The following CORO2B variants were observed in gnomAD, a reference collection of about 807,000 sequenced individuals.
CORO2B encodes coronin 2B, also known as coronin-2B.
In CORO2B, 26 loss-of-function variants were observed where a neutral mutation model predicts 58.8. The observed-to-expected ratio is 0.44, with a 90% CI of 0.32 to 0.61. The LOEUF (loss-of-function observed/expected upper bound fraction) is 0.61. Among genes scored for constraint, CORO2B ranks in the 20% least tolerant of loss-of-function variants. CORO2B has a pLI of 0.04. For synonymous variants in CORO2B, 242 were observed against 253.8 expected, an observed-to-expected ratio of 0.95 and a Z score of 0.44; for missense variants, 460 against 645.1, an observed-to-expected ratio of 0.71 and a Z score of 3.11.
chr15:68,701,478 ATTT>A (rs71145193), intron 3 of CORO2B, among the ~76,000 whole-genome samples: 1,404 of 38,748 alleles, frequency 0.036, 38 homozygotes, highest in African/African-American at 0.13. Context: ...CGCCCGGCTA[ATTT>A]TTTTTTTTTT....
At chr15:68,523,566 C>T in the CORO2B span, among the ~76,000 whole-genome samples, 1 of 152,188 alleles carries the variant, frequency 6.6e-6, no homozygotes, top group African/African-American at 2.4e-5. Context: ...AGTTTCTTAG[C>T]TTCTCACCCT....
At chr15:68,623,122 G>A (rs571580374) in intron 1 of CORO2B, among the ~76,000 whole-genome samples, 1 of 152,178 alleles carries the variant, frequency 6.6e-6, no homozygotes, top group Non-Finnish European at 1.5e-5. Context: ...CCGAGATCAC[G>A]CTACTGCACT....
intron 1 of CORO2B, among the ~76,000 whole-genome samples, chr15:68,620,898 G>A (rs761608882): frequency 1.3e-5 from 2 of 152,230 alleles, no homozygotes; most frequent in African/African-American, 2.4e-5. Context: ...AGGGTAGAAA[G>A]TCTGCTGGGG....
chr15:68,589,994 T>C (rs1899660118), intron 1 of CORO2B, among the ~76,000 whole-genome samples: 1 of 152,158 alleles, frequency 6.6e-6, no homozygotes. Flanking sequence ...TCCTGGAAGC[T>C]GGCCGTCCTG....
At chr15:68,592,012 T>A (rs1346584973) in intron 1 of CORO2B, among the ~76,000 whole-genome samples, 1 of 152,144 alleles carries the variant, frequency 6.6e-6, no homozygotes, top group Non-Finnish European at 1.5e-5. Flanking sequence ...AGAAGTGAGC[T>A]TCTGGATGCG....
At chr15:68,641,693 T>C (rs1341341854) in intron 1 of CORO2B, 9 of 541,792 alleles carry the variant, frequency 1.7e-5, no homozygotes, top group Non-Finnish European at 1.9e-5. Context: ...TCCCAAGCCC[T>C]TGGAGGTGAT....
chr15:68,528,922 C>CTT, the CORO2B span, among the ~76,000 whole-genome samples: 1 of 152,128 alleles, frequency 6.6e-6, no homozygotes, highest in Non-Finnish European at 1.5e-5. Flanking sequence ...GACAAAATGG[C>CTT]TTAATTAAAC....
At position 68,710,767 on chromosome 15, in the gene CORO2B, G is replaced by A; in HGVS notation, c.369G>A (p.Lys123=). The A allele has an allele frequency of 6.2e-7, 1 of 1,611,724 alleles. No individual in the cohort carries two copies. The change falls in exon 4 of 12, where the codon AAG becomes AAA. Residue 123 remains lysine (K), a synonymous_variant. Transcript: ENST00000261861. This position sits in a 1 kb window ranked among gnomAD's most constrained non-coding sequence, Gnocchi z 4.1. ...RIWEIPEGGL[K]RNMTEALLEL... is the part of the protein sequence containing the mutation. ...GGGAGATCCCCGAGGGCGGGCTGAA[G>A]CGGAACATGACGGAGGCGCTCCTGG...
At position 68,670,068 on chromosome 15, in the gene CORO2B, AG is replaced by A. The variant is rs1555415252; in HGVS notation, c.216+24715del. ...CAAGACTCTGTCTCAGAAAAAAAAAAGGGGGGGAAAAATAAAGAAAAATTTA... is the reference window on the plus strand; with the variant it reads ...CAAGACTCTGTCTCAGAAAAAAAAAAGGGGGGAAAAATAAAGAAAAATTTA... On this transcript the variant is annotated intron_variant, in intron 2 of 11. Coordinates refer to ENST00000261861, the MANE Select transcript of CORO2B (RefSeq NM_006091.5). 1.4e-3 allele frequency among the ~76,000 whole-genome samples: 206 copies of A among 146,766 alleles called. 1 individual carries two copies. The highest frequency in any genetic ancestry group is 5.0e-3 in the African/African-American group (192 of 38,448).
chr15:68,701,468 C>A (rs575241833), intron 3 of CORO2B, among the ~76,000 whole-genome samples: 1,625 of 137,918 alleles, frequency 0.012, 39 homozygotes, highest in African/African-American at 0.041. Context: ...CCTGCAACCA[C>A]GCCCGGCTAA....
chr15:68,618,289 G>T (rs935339175), intron 1 of CORO2B, among the ~76,000 whole-genome samples: 5 of 152,158 alleles, frequency 3.3e-5, no homozygotes, highest in African/African-American at 9.7e-5. Context: ...AGTAGGAGGT[G>T]ACCCTCCAGT....
chr15:68,706,024 G>A (rs969354346), intron 3 of CORO2B, among the ~76,000 whole-genome samples: 3 of 152,092 alleles, frequency 2.0e-5, no homozygotes, highest in Non-Finnish European at 2.9e-5. Flanking sequence ...TCAGTTACTG[G>A]GTTGCTCAGG....
intron 2 of CORO2B, among the ~76,000 whole-genome samples, chr15:68,675,645 G>A (rs990018768): frequency 6.6e-6 from 1 of 152,284 alleles, no homozygotes; most frequent in Middle Eastern, 3.4e-3. Flanking sequence ...CAAATAAGAT[G>A]TTTATAGATC....
At chr15:68,587,564 A>G (rs1014257029) in intron 1 of CORO2B, among the ~76,000 whole-genome samples, 1 of 152,232 alleles carries the variant, frequency 6.6e-6, no homozygotes, top group Non-Finnish European at 1.5e-5. Flanking sequence ...ATTTAATAGT[A>G]GTCAGTTCTC....
chr15:68,564,429 G>A, the CORO2B span, among the ~76,000 whole-genome samples: 1 of 151,716 alleles, frequency 6.6e-6, no homozygotes, highest in African/African-American at 2.4e-5. Flanking sequence ...TCAGCCTCTC[G>A]AGTAGCTGGG....
the CORO2B span, among the ~76,000 whole-genome samples, chr15:68,521,635 A>G: frequency 8.9e-3 from 1,355 of 152,228 alleles, 25 homozygotes; most frequent in African/African-American, 0.031. Context: ...ATAGAATCCT[A>G]GATTGTCAAT....
the CORO2B span, among the ~76,000 whole-genome samples, chr15:68,565,668 A>G: frequency 6.6e-6 from 1 of 152,030 alleles, no homozygotes; most frequent in African/African-American, 2.4e-5. Flanking sequence ...GATGACCCTC[A>G]CTCCATGTAT....
At chr15:68,701,969 A>G (rs1252156879) in intron 3 of CORO2B, among the ~76,000 whole-genome samples, 3 of 151,734 alleles carry the variant, frequency 2.0e-5, no homozygotes, top group South Asian at 2.1e-4. Flanking sequence ...CAGGCCGGGC[A>G]CGGTAGCTCA....
rs77860269 is a variant in CORO2B at position 68,645,757 on chromosome 15, G to A, written c.216+397G>A. Among the ~76,000 whole-genome samples, 474 of 152,056 alleles carry A rather than the reference G, an allele frequency of 3.1e-3. 15 individuals are homozygous for A. In the East Asian group the frequency reaches 0.082, roughly 26 times the overall value. ...GACCTAGCCATAGGTATTATACATT[G>A]AGCATCTGCAAAAATTATACAATTT... On this transcript the variant is annotated intron_variant, in intron 2 of 11. Coordinates refer to ENST00000261861, the MANE Select transcript of CORO2B (RefSeq NM_006091.5). The surrounding 1 kb of genome is among the most constrained non-coding windows in gnomAD (Gnocchi z 4.5).
Sources: gnomAD v4.1 joint callset for allele counts (sites outside exome capture counted in the v4.1 genomes callset) on GRCh38, gnomAD v4.1.1 for gene constraint, Gnocchi (gnomAD v3.1) non-coding constraint, MANE v1.5 for transcripts, NCBI Gene and HGNC (gene_info 2026-07-23, HGNC 2026-07-21) for gene names.